Variants in VOPP1 observed in about 807,000 individuals in gnomAD.
VOPP1 encodes the protein WW domain binding protein VOPP1.
In VOPP1, 8 loss-of-function variants were observed where a neutral mutation model predicts 23.5. The observed-to-expected ratio is 0.34, with a 90% CI of 0.20 to 0.61. The LOEUF is 0.61. Among genes scored for constraint, VOPP1 ranks in the 20% least tolerant of loss-of-function variants. VOPP1 has a pLI of 0.78. For missense variants in VOPP1, 174 were observed against 238.1 expected (o/e 0.73, Z 1.77); for synonymous variants, 83 against 97.3 (o/e 0.85, Z 0.86).
chr7:55,572,162 C>T (rs1411524265), intron 1 of VOPP1, 109 bp downstream of exon 1: 2 of 857,450 alleles, frequency 2.3e-6, no homozygotes, highest in African/African-American at 1.8e-5. Context: ...GTCGCTCCAC[C>T]GTCTGCGCTC....
At chr7:55,515,705 A>C (rs1204113576) in intron 2 of VOPP1, among the ~76,000 whole-genome samples, 1 of 152,148 alleles carries the variant, frequency 6.6e-6, no homozygotes, top group African/African-American at 2.4e-5. Context: ...GTGCCACAGG[A>C]GCAGCAGGCA....
chr7:55,567,394 TAA>T (rs1798197825), intron 1 of VOPP1, among the ~76,000 whole-genome samples: 1 of 152,192 alleles, frequency 6.6e-6, no homozygotes, highest in African/African-American at 2.4e-5. Context: ...GAAGAAATTT[TAA>T]ATAGGGTGGT....
intron 2 of VOPP1, among the ~76,000 whole-genome samples, chr7:55,515,485 G>A (rs1795344745): frequency 6.6e-6 from 1 of 152,192 alleles, no homozygotes; most frequent in South Asian, 2.1e-4. Flanking sequence ...GTTAAAATGT[G>A]CCAAAGGAAA....
intron 2 of VOPP1, among the ~76,000 whole-genome samples, chr7:55,506,963 T>C (rs940865971): frequency 3.9e-5 from 6 of 152,152 alleles, no homozygotes; most frequent in African/African-American, 1.4e-4. Flanking sequence ...TTTATAATAT[T>C]ACTTAATACA....
At chr7:55,486,802 A>G (rs1407087989) in intron 4 of VOPP1, among the ~76,000 whole-genome samples, 1 of 152,196 alleles carries the variant, frequency 6.6e-6, no homozygotes, top group Middle Eastern at 3.4e-3. Flanking sequence ...AAACTCAAAA[A>G]TCTCTATCCT....
At chr7:55,563,054 T>TTATG (rs1319094937) in intron 1 of VOPP1, among the ~76,000 whole-genome samples, 4 of 152,232 alleles carry the variant, frequency 2.6e-5, no homozygotes, top group African/African-American at 9.6e-5. Context: ...ATTTTACTGT[T>TTATG]TATGTTTAAT....
chr7:55,462,801 G>A (rs1028246860), intron 4 of VOPP1, among the ~76,000 whole-genome samples: 4 of 150,096 alleles, frequency 2.7e-5, no homozygotes, highest in African/African-American at 7.3e-5. Flanking sequence ...GACTACAGGC[G>A]CCCGCCACTA....
chr7:55,448,232 T>C (rs815943), intron 4 of VOPP1, among the ~76,000 whole-genome samples: 42,778 of 152,080 alleles, frequency 0.28, 6,853 homozygotes, highest in East Asian at 0.54. Context: ...CAGCAAAGCA[T>C]TATTTATAAT....
chr7:55,485,888 A>T (rs1297814995), intron 4 of VOPP1, among the ~76,000 whole-genome samples: 1 of 152,198 alleles, frequency 6.6e-6, no homozygotes, highest in African/African-American at 2.4e-5. Context: ...ACATTTAGGG[A>T]GAAAAGTGCA....
intron 1 of VOPP1, among the ~76,000 whole-genome samples, chr7:55,568,409 T>C (rs1798235873): frequency 6.6e-6 from 1 of 152,222 alleles, no homozygotes; most frequent in African/African-American, 2.4e-5. Flanking sequence ...CAAGAAGATC[T>C]GTTCTTTTGC....
chr7:55,437,601 A>G (rs1027598422), intron 4 of VOPP1, among the ~76,000 whole-genome samples: 2 of 152,144 alleles, frequency 1.3e-5, no homozygotes, highest in African/African-American at 4.8e-5. Flanking sequence ...GGCCCTTCCA[A>G]TCTGTAAATT....
intron 2 of VOPP1, among the ~76,000 whole-genome samples, chr7:55,514,896 C>T (rs1222646267): frequency 1.3e-5 from 2 of 152,234 alleles, no homozygotes; most frequent in Admixed American, 1.3e-4. Context: ...AGTGGGCAGT[C>T]TCAGCTGTCC....
intron 4 of VOPP1, among the ~76,000 whole-genome samples, chr7:55,449,454 G>T (rs960996283): frequency 6.6e-6 from 1 of 152,192 alleles, no homozygotes; most frequent in Admixed American, 6.5e-5. Flanking sequence ...CCCGGTCCTC[G>T]TTCAGCTGCA....
chr7:55,505,305 A>G (rs1369492773), intron 2 of VOPP1, among the ~76,000 whole-genome samples: 1 of 152,176 alleles, frequency 6.6e-6, no homozygotes, highest in East Asian at 1.9e-4. Flanking sequence ...GAATCTTTCC[A>G]TGCCCTGAAG....
chr7:55,469,622 T>C (rs1009735098), downstream of VOPP1, among the ~76,000 whole-genome samples: 6 of 152,192 alleles, frequency 3.9e-5, no homozygotes, highest in African/African-American at 1.4e-4. Context: ...CTGCTGCCCT[T>C]TCTTTGTTCT....
At chr7:55,493,396 C>A (rs889056153) in intron 3 of VOPP1, among the ~76,000 whole-genome samples, 1 of 152,188 alleles carries the variant, frequency 6.6e-6, no homozygotes, top group African/African-American at 2.4e-5. Flanking sequence ...CAGAGCGGGT[C>A]GCAGTCAGTG....
chr7:55,473,888 CCT>C (rs1792030812), intron 4 of VOPP1, among the ~76,000 whole-genome samples: 1 of 152,170 alleles, frequency 6.6e-6, no homozygotes, highest in Non-Finnish European at 1.5e-5. Flanking sequence ...AGAAGCTGCC[CCT>C]GTGTGAATAT....
intron 1 of VOPP1, among the ~76,000 whole-genome samples, chr7:55,536,977 T>C (rs1315943313): frequency 2.6e-5 from 4 of 152,180 alleles, no homozygotes; most frequent in African/African-American, 4.8e-5. Flanking sequence ...GGGGCCTCCC[T>C]GGCCACAAAA....
At chr7:55,502,649 G>C (rs1327973280) in intron 2 of VOPP1, among the ~76,000 whole-genome samples, 2 of 152,208 alleles carry the variant, frequency 1.3e-5, no homozygotes, top group African/African-American at 4.8e-5. Flanking sequence ...CCAAAGAGCT[G>C]CAATTACAAA....
Sources: allele counts gnomAD v4.1 joint callset (sites outside exome capture counted in the v4.1 genomes callset), GRCh38; gene constraint gnomAD v4.1.1; transcripts MANE v1.5; gene names NCBI Gene and HGNC (gene_info 2026-07-23, HGNC 2026-07-21).